Variants in MBOAT1 observed in about 807,000 individuals in gnomAD.
MBOAT1 encodes membrane bound glycerophospholipid O-acyltransferase 1.
MBOAT1 carries 67 observed loss-of-function variants against 64.4 expected under a neutral mutation model. That is an observed-to-expected ratio of 1.04 (90% CI 0.85 to 1.27). MBOAT1 has a LOEUF of 1.27. Among genes scored for constraint, MBOAT1 ranks in the 50% most tolerant of loss-of-function variants. MBOAT1 has a pLI of 0.00. For missense variants in MBOAT1, 563 were observed against 604.6 expected (o/e 0.93, Z 0.72); for synonymous variants, 229 against 218.9 (o/e 1.05, Z -0.41).
intron 3 of MBOAT1, among the ~76,000 whole-genome samples, chr6:20,146,248 CT>C (rs1414412660): frequency 1.3e-5 from 2 of 151,524 alleles, no homozygotes; most frequent in African/African-American, 4.8e-5. Flanking sequence ...ATTAAAATAA[CT>C]CATGAAGACT....
chr6:20,127,392 C>T (rs912567628), intron 6 of MBOAT1, among the ~76,000 whole-genome samples: 2 of 152,198 alleles, frequency 1.3e-5, no homozygotes, highest in Non-Finnish European at 2.9e-5. Context: ...CAGGGATTCC[C>T]AACCCCTGGG....
intron 11 of MBOAT1, 96 bp from the exon 12 acceptor site, chr6:20,109,845 G>A: frequency 1.6e-6 from 2 of 1,250,422 alleles, no homozygotes; most frequent in South Asian, 3.6e-5. Flanking sequence ...CAGGAACATG[G>A]GCTACAGAAG....
chr6:20,124,391 T>C lies in MBOAT1; in HGVS notation c.907+17A>G. 6.2e-7 allele frequency: 1 copy of C among 1,609,486 alleles called. No homozygotes were observed. ...CATTTTTCCCTCATTCAGTTACAGC[T>C]ACTCCATCAAACTTACCTAATGTCC... On this transcript the variant is annotated intron_variant, in intron 8 of 12. Coordinates refer to ENST00000324607, the MANE Select transcript of MBOAT1 (RefSeq NM_001080480.3).
At chr6:20,185,786 A>G (rs1762634663) in intron 1 of MBOAT1, among the ~76,000 whole-genome samples, 1 of 152,200 alleles carries the variant, frequency 6.6e-6, no homozygotes, top group South Asian at 2.1e-4. Context: ...CTATAAGACA[A>G]GTATTATTAC....
chr6:20,161,185 T>C (rs185566383), intron 1 of MBOAT1, among the ~76,000 whole-genome samples: 1 of 152,128 alleles, frequency 6.6e-6, no homozygotes, highest in African/African-American at 2.4e-5. Context: ...AACCCTATGG[T>C]GAACCATGCA....
At chr6:20,125,105 GA>G (rs1760612804) in intron 7 of MBOAT1, among the ~76,000 whole-genome samples, 1 of 152,156 alleles carries the variant, frequency 6.6e-6, no homozygotes, top group Non-Finnish European at 1.5e-5. Context: ...GGGAGCTCTA[GA>G]AAGCCTTCCA....
intron 12 of MBOAT1, among the ~76,000 whole-genome samples, chr6:20,102,978 T>C (rs924915619): frequency 7.2e-5 from 11 of 152,244 alleles, no homozygotes; most frequent in African/African-American, 2.7e-4. Context: ...GGCCAGCACA[T>C]ACTATTACAT....
At chr6:20,158,902 A>G (rs1161702749) in intron 1 of MBOAT1, among the ~76,000 whole-genome samples, 2 of 152,174 alleles carry the variant, frequency 1.3e-5, no homozygotes, top group African/African-American at 4.8e-5. Context: ...ACAATTATCA[A>G]AAAGATGAAA....
At chr6:20,189,332 A>G (rs1028892187) in intron 1 of MBOAT1, among the ~76,000 whole-genome samples, 1 of 152,250 alleles carries the variant, frequency 6.6e-6, no homozygotes, top group Non-Finnish European at 1.5e-5. Context: ...GCTAAGTACC[A>G]TATGTATTAC....
chr6:20,182,544 G>C (rs1258997862), intron 1 of MBOAT1, among the ~76,000 whole-genome samples: 1 of 152,072 alleles, frequency 6.6e-6, no homozygotes, highest in South Asian at 2.1e-4. Flanking sequence ...CTCTCCCTCA[G>C]TCTGCCCAAG....
chr6:20,208,224 G>A (rs577944798), intron 1 of MBOAT1, among the ~76,000 whole-genome samples: 2 of 151,978 alleles, frequency 1.3e-5, no homozygotes, highest in South Asian at 4.2e-4. Context: ...GAGGCAGGCG[G>A]ATCACAAGGT....
chr6:20,177,773 CAA>C (rs58552446), intron 1 of MBOAT1, among the ~76,000 whole-genome samples: 1,584 of 84,616 alleles, frequency 0.019, 25 homozygotes, highest in African/African-American at 0.054. Flanking sequence ...GACTCCGTCT[CAA>C]AAAAAAAAAA....
At chr6:20,190,551 G>C (rs1762775153) in intron 1 of MBOAT1, among the ~76,000 whole-genome samples, 1 of 152,102 alleles carries the variant, frequency 6.6e-6, no homozygotes, top group Non-Finnish European at 1.5e-5. Context: ...TTTTCACTCA[G>C]TATGATTAAT....
At chr6:20,108,137 C>T (rs200405689) in intron 12 of MBOAT1, among the ~76,000 whole-genome samples, 4 of 152,150 alleles carry the variant, frequency 2.6e-5, no homozygotes, top group Admixed American at 6.5e-5. Flanking sequence ...CTGGAATAAT[C>T]GCTGGCAACA....
intron 4 of MBOAT1, among the ~76,000 whole-genome samples, chr6:20,135,705 C>T (rs534738016): frequency 2.0e-4 from 30 of 152,292 alleles, no homozygotes; most frequent in African/African-American, 7.0e-4. Context: ...CTCTGATGTT[C>T]TCCCAACAGG....
chr6:20,104,512 A>ACTGCT (rs1561742943), intron 12 of MBOAT1, among the ~76,000 whole-genome samples: 1 of 152,252 alleles, frequency 6.6e-6, no homozygotes, highest in Non-Finnish European at 1.5e-5. Context: ...TGCACAATGT[A>ACTGCT]GATATCCAAT....
At position 20,152,671 on chromosome 6, in the gene MBOAT1, C is replaced by A. The variant is rs374104154; in HGVS notation, c.198G>T (p.Ala66=). 1 of 1,611,440 alleles carries A rather than the reference C, an allele frequency of 6.2e-7. No homozygotes were observed. Residue 66 remains alanine (A), a synonymous_variant, in exon 2 of 13, where the codon GCG becomes GCT. Transcript: ENST00000324607. ...PGTTSSDVRH[A]VATIFGIYFV... The stretch of plus-strand genomic sequence containing the variant: ...AATAGATGCCAAAAATGGTGGCAAC[C>A]GCATGCCGGACATCAGAGCTGGTTG...
intron 1 of MBOAT1, among the ~76,000 whole-genome samples, chr6:20,199,051 A>G (rs924691201): frequency 1.3e-5 from 2 of 152,248 alleles, no homozygotes; most frequent in African/African-American, 4.8e-5. Flanking sequence ...CAAAGAAGGC[A>G]AAGGCCAACC....
rs1292479441 is a variant in MBOAT1 at position 20,109,847 on chromosome 6, C to A, written c.1210-98G>T. 2.5e-6 allele frequency: 3 copies of A among 1,208,378 alleles called. No individual in the cohort carries two copies. In the South Asian group the frequency reaches 5.5e-5, roughly 22 times the overall value. 74.9% of individuals were successfully genotyped at this position (1,208,378 alleles called of 1,614,324 possible). On this transcript the variant is annotated intron_variant, in intron 11 of 12. Coordinates refer to ENST00000324607, the MANE Select transcript of MBOAT1 (RefSeq NM_001080480.3). The stretch of plus-strand genomic sequence containing the variant: ...AGATAGTATGCCACAGGAACATGGG[C>A]TACAGAAGATAACCAACATCTGAGT...
Sources: gnomAD v4.1 joint callset for allele counts (sites outside exome capture counted in the v4.1 genomes callset) on GRCh38, gnomAD v4.1.1 for gene constraint, MANE v1.5 for transcripts, NCBI Gene and HGNC (gene_info 2026-07-23, HGNC 2026-07-21) for gene names.